Variants in DOP1A observed in about 807,000 individuals in gnomAD.
DOP1A encodes protein DOP1A.
DOP1A carries 90 observed loss-of-function variants against 267.6 expected under a neutral mutation model. The ratio of observed to expected loss-of-function variants is 0.34; its 90% CI spans 0.28 to 0.40. The LOEUF (loss-of-function observed/expected upper bound fraction) is 0.40, where lower values mean the gene tolerates loss of function less well. Ranked by LOEUF, DOP1A falls within the 10% of genes least tolerant of loss-of-function variation. The pLI is 1.00. For synonymous variants in DOP1A, 932 were observed against 999.1 expected (o/e 0.93, Z 1.27); for missense variants, 2,437 against 2,900.4 (o/e 0.84, Z 3.67).
At chr6:83,092,870 C>T (rs1284140840) in intron 1 of DOP1A, among the ~76,000 whole-genome samples, 3 of 151,914 alleles carry the variant, frequency 2.0e-5, no homozygotes, top group South Asian at 2.1e-4. Context: ...CTTTGTTCTG[C>T]GAGAGATTTT....
At position 83,125,688 on chromosome 6, in the gene DOP1A, T is replaced by G; in HGVS notation, c.1674T>G (p.Phe558Leu). The G allele has an allele frequency of 1.2e-6, 2 of 1,613,620 alleles. No individual in the cohort carries two copies. The highest frequency in any genetic ancestry group is 1.7e-6 in the Non-Finnish European group (2 of 1,179,662). Residue 558 changes from phenylalanine to leucine, a missense_variant, in exon 15 of 39, where the codon TTT becomes TTG. Phe to Leu is a conservative substitution (Grantham distance 22). Coordinates refer to ENST00000349129, the MANE Select transcript of DOP1A (RefSeq NM_015018.4). ...LSASTGGVLQ[F>L]PSGQNNSVKE... ...CTAGCACTGGAGGTGTTTTGCAGTT[T>G]CCAAGTGGGCAGAACAATTCAGTCA...
chr6:83,141,339 A>AT (rs1164592217), intron 23 of DOP1A, among the ~76,000 whole-genome samples: 1 of 151,954 alleles, frequency 6.6e-6, no homozygotes, highest in Non-Finnish European at 1.5e-5. Flanking sequence ...TGATTTTTAA[A>AT]TTTTTTTTCT....
chr6:83,087,224 G>C (rs1769440180), intron 1 of DOP1A, among the ~76,000 whole-genome samples: 1 of 152,174 alleles, frequency 6.6e-6, no homozygotes, highest in Admixed American at 6.5e-5. Flanking sequence ...CTTTAGCAAT[G>C]ATGGAGGGAA....
At chr6:83,069,717 G>T (rs891022402) in intron 1 of DOP1A, among the ~76,000 whole-genome samples, 12 of 152,164 alleles carry the variant, frequency 7.9e-5, no homozygotes, top group African/African-American at 2.9e-4. Flanking sequence ...ATTCTTTCTG[G>T]TTTTTTGACT....
At chr6:83,114,059 A>C (rs1582984977) in intron 7 of DOP1A, among the ~76,000 whole-genome samples, 1 of 152,186 alleles carries the variant, frequency 6.6e-6, no homozygotes, top group East Asian at 1.9e-4. Context: ...GATATAGAGA[A>C]TATCTACCTT....
intron 18 of DOP1A, among the ~76,000 whole-genome samples, chr6:83,133,722 G>A (rs758134340): frequency 5.9e-5 from 9 of 151,760 alleles, no homozygotes; most frequent in Non-Finnish European, 1.3e-4. Context: ...TTAAATTTTT[G>A]AGTCAAACCA....
chr6:83,103,048 TTATCCCTAGTATTCTATTC>T (rs1262315016), intron 4 of DOP1A, among the ~76,000 whole-genome samples: 1 of 152,242 alleles, frequency 6.6e-6, no homozygotes, highest in African/African-American at 2.4e-5. Context: ...TTCCACATTT[TTATCCCTAGTATTCTATTC>T]TATTGTGATG....
intron 23 of DOP1A, 118 bp downstream of exon 23, chr6:83,140,521 T>C (rs1302720298): frequency 1.1e-6 from 1 of 882,712 alleles, no homozygotes; most frequent in Non-Finnish European, 1.7e-6. Flanking sequence ...AATTATCAAA[T>C]AATTTTTAAC....
intron 4 of DOP1A, among the ~76,000 whole-genome samples, chr6:83,101,803 A>G (rs952279923): frequency 2.0e-4 from 30 of 152,234 alleles, no homozygotes; most frequent in African/African-American, 7.2e-4. Flanking sequence ...ACCAACAGAT[A>G]ATAAAACAAT....
At chr6:83,076,761 G>A (rs542900127) in intron 1 of DOP1A, among the ~76,000 whole-genome samples, 41 of 152,252 alleles carry the variant, frequency 2.7e-4, no homozygotes, top group South Asian at 6.2e-4. Context: ...CAGCAATCCC[G>A]CTTTTGGATA....
intron 23 of DOP1A, among the ~76,000 whole-genome samples, chr6:83,141,547 C>A (rs1407175467): frequency 6.6e-6 from 1 of 152,090 alleles, no homozygotes; most frequent in Non-Finnish European, 1.5e-5. Flanking sequence ...TTAAACTATA[C>A]TTTTTATGTT....
intron 6 of DOP1A, 79 bp downstream of exon 6, chr6:83,110,393 T>C (rs1461846602): frequency 7.4e-7 from 1 of 1,359,628 alleles, no homozygotes; most frequent in Non-Finnish European, 9.9e-7. Flanking sequence ...TATTGAGGAT[T>C]GTATAATGAA....
chr6:83,145,324 G>A (rs935317675), intron 24 of DOP1A, among the ~76,000 whole-genome samples, 200 bp from the exon 25 acceptor site: 3 of 131,044 alleles, frequency 2.3e-5, no homozygotes, highest in African/African-American at 8.8e-5. Flanking sequence ...GCTCATGCCT[G>A]TAATCCTAGC....
chr6:83,136,017 C>G (rs1778816382), intron 20 of DOP1A, 139 bp downstream of exon 20: 1 of 1,012,870 alleles, frequency 9.9e-7, no homozygotes, highest in Non-Finnish European at 1.4e-6. Context: ...CATGCACTAG[C>G]AATGCTGTGT....
At chr6:83,167,249 T>G in intron 38 of DOP1A, 1 of 978,180 alleles carries the variant, frequency 1.0e-6, no homozygotes, top group Non-Finnish European at 1.2e-6. Flanking sequence ...TCAATTCCTT[T>G]GACTCCAGGT....
At chr6:83,089,103 T>C (rs1562280400) in intron 1 of DOP1A, among the ~76,000 whole-genome samples, 1 of 152,230 alleles carries the variant, frequency 6.6e-6, no homozygotes, top group African/African-American at 2.4e-5. Flanking sequence ...TGAGTAATAA[T>C]GAATCTTTTC....
intron 15 of DOP1A, among the ~76,000 whole-genome samples, chr6:83,127,187 C>T (rs1051294023): frequency 2.6e-5 from 4 of 152,068 alleles, no homozygotes; most frequent in African/African-American, 9.7e-5. Context: ...AATAATGGCT[C>T]GTAATATTTA....
In DOP1A at chr6:83,080,887, G is replaced by T. The variant is rs1181049832; in HGVS notation, c.-147+13108G>T. Among the ~76,000 whole-genome samples the T allele has an allele frequency of 2.6e-5, 4 of 151,918 alleles. No individual in the cohort carries two copies. The East Asian group carries it at 7.7e-4, about 29-fold the overall frequency. On this transcript the variant is annotated intron_variant, in intron 1 of 38. Coordinates refer to ENST00000349129, the MANE Select transcript of DOP1A (RefSeq NM_015018.4). ...CAAAAGACCAATGACATTCTTCACAGAAATAGAAAAAAGAAAATCCTAAAA... is the reference window on the plus strand; with the variant it reads ...CAAAAGACCAATGACATTCTTCACATAAATAGAAAAAAGAAAATCCTAAAA...
chr6:83,097,109 TAATAAGG>T lies in DOP1A; in HGVS notation c.133_138+1del. ...ATTTGATATCAGCACTTGGAAAACTTAATAAGGTATGTCTGTATTATCCATTTCATAA... is the reference window on the plus strand; with the variant it reads ...ATTTGATATCAGCACTTGGAAAACTTTATGTCTGTATTATCCATTTCATAA... On this transcript the variant is annotated splice_donor_variant and coding_sequence_variant, in exon 3 of 39. Coordinates refer to ENST00000349129, the MANE Select transcript of DOP1A (RefSeq NM_015018.4). LOFTEE classifies it high-confidence loss of function. 6.2e-7 allele frequency: 1 copy of T among 1,613,904 alleles called. No individual in the cohort carries two copies. Among genetic ancestry groups the T allele is most frequent in the Non-Finnish European group, 8.5e-7 (1 of 1,179,872 alleles).
Sources: allele counts gnomAD v4.1 joint callset (sites outside exome capture counted in the v4.1 genomes callset), GRCh38; gene constraint gnomAD v4.1.1; transcripts MANE v1.5; gene names NCBI Gene and HGNC (gene_info 2026-07-23, HGNC 2026-07-21).